KIF3B: variants seen among roughly 807,000 people sequenced by gnomAD.
The protein encoded by KIF3B is kinesin-like protein KIF3B.
Under a neutral mutation model 74.3 loss-of-function variants are expected in KIF3B, and 38 were observed. The observed-to-expected ratio is 0.51, with a 90% CI of 0.39 to 0.67. The LOEUF (loss-of-function observed/expected upper bound fraction) is 0.67, where lower values mean the gene tolerates loss of function less well. Ranked by LOEUF, KIF3B falls within the 30% of genes least tolerant of loss-of-function variation. The pLI, the probability that KIF3B is intolerant of heterozygous loss-of-function variation, is 0.00. For missense variants in KIF3B, 649 were observed against 932.0 expected (o/e 0.70, Z 3.95); for synonymous variants, 326 against 342.5 (o/e 0.95, Z 0.53).
At position 32,326,459 on chromosome 20, in the gene KIF3B, C is replaced by T. The variant is rs116607301; in HGVS notation, c.1749-312C>T. Among the ~76,000 whole-genome samples the T allele has an allele frequency of 5.3e-3, 809 of 152,226 alleles. 5 individuals are homozygous for T. The highest frequency in any genetic ancestry group is 0.019 in the African/African-American group (780 of 41,540). On this transcript the variant is annotated intron_variant, in intron 5 of 8. Transcript: ENST00000375712. ...TCCAATATAGCCCAGGGGTCACCTC[C>T]CTCTTGAGCCTGTTCACATCCTGCC...
intron 1 of KIF3B, among the ~76,000 whole-genome samples, chr20:32,287,502 C>A (rs1464380353): frequency 6.8e-6 from 1 of 147,218 alleles, no homozygotes; most frequent in African/African-American, 2.5e-5. Flanking sequence ...TTAAATTTTT[C>A]ATGGAGGCAG....
At chr20:32,285,116 A>C (rs1332431786) in intron 1 of KIF3B, among the ~76,000 whole-genome samples, 1 of 151,788 alleles carries the variant, frequency 6.6e-6, no homozygotes, top group Non-Finnish European at 1.5e-5. Flanking sequence ...AAAAAAAAAA[A>C]CAGTGACTTG....
At chr20:32,286,127 A>G (rs746177965) in intron 1 of KIF3B, among the ~76,000 whole-genome samples, 44 of 152,316 alleles carry the variant, frequency 2.9e-4, no homozygotes, top group Admixed American at 5.9e-4. Context: ...GCTTGAATAT[A>G]GTCTATAAAT....
chr20:32,278,270 T>G (rs1208960402), intron 1 of KIF3B, among the ~76,000 whole-genome samples: 1 of 152,086 alleles, frequency 6.6e-6, no homozygotes, highest in Non-Finnish European at 1.5e-5. Context: ...AGAGGGCAGT[T>G]TGAAGTCTGA....
At chr20:32,295,515 G>T (rs375466219) in intron 1 of KIF3B, among the ~76,000 whole-genome samples, 8 of 151,908 alleles carry the variant, frequency 5.3e-5, no homozygotes, top group Middle Eastern at 3.2e-3. Flanking sequence ...GGATGGTCTC[G>T]ATCTCCTGAG....
intron 1 of KIF3B, among the ~76,000 whole-genome samples, chr20:32,307,713 C>T (rs1362788815): frequency 2.0e-5 from 3 of 151,774 alleles, no homozygotes; most frequent in East Asian, 1.9e-4. Context: ...GGGTGGATCA[C>T]GAGGTCAGAA....
chr20:32,329,966 A>T (rs1243587127), intron 7 of KIF3B, among the ~76,000 whole-genome samples, 175 bp from the exon 8 acceptor site: 2 of 152,308 alleles, frequency 1.3e-5, no homozygotes, highest in South Asian at 4.1e-4. Flanking sequence ...AAAGCAAAAA[A>T]TTAGGTGGAG....
At chr20:32,285,905 G>A (rs961202514) in intron 1 of KIF3B, among the ~76,000 whole-genome samples, 1 of 152,156 alleles carries the variant, frequency 6.6e-6, no homozygotes, top group Non-Finnish European at 1.5e-5. Context: ...CATGTTTAAG[G>A]TTCAGTTAAT....
intron 5 of KIF3B, among the ~76,000 whole-genome samples, chr20:32,322,711 TA>T (rs1181212649): frequency 1.8e-5 from 1 of 55,922 alleles, no homozygotes; most frequent in African/African-American, 6.6e-5. Context: ...TATATATTTA[TA>T]TATATTTATA....
At chr20:32,295,842 C>T (rs1260744970) in intron 1 of KIF3B, among the ~76,000 whole-genome samples, 1 of 141,836 alleles carries the variant, frequency 7.1e-6, no homozygotes, top group East Asian at 2.2e-4. Context: ...TCAATTAAAA[C>T]ATTTTTATTA....
At chr20:32,284,413 A>G (rs1037208883) in intron 1 of KIF3B, among the ~76,000 whole-genome samples, 2 of 152,200 alleles carry the variant, frequency 1.3e-5, no homozygotes, top group African/African-American at 4.8e-5. Flanking sequence ...AGCATTTTCT[A>G]GGTGCTGAGT....
At chr20:32,285,797 C>G (rs546688331) in intron 1 of KIF3B, among the ~76,000 whole-genome samples, 1 of 152,106 alleles carries the variant, frequency 6.6e-6, no homozygotes, top group East Asian at 1.9e-4. Flanking sequence ...CCAGACCTTT[C>G]GGGTGTGGCT....
Position 32,331,375 on chromosome 20 carries a change from C to A in KIF3B, c.*56C>A. On this transcript the variant is annotated 3_prime_UTR_variant, in exon 9 of 9. Coordinates refer to ENST00000375712, the MANE Select transcript of KIF3B (RefSeq NM_004798.4). ...AGCATTTGCCTTCTGAGAGAAGAGA[C>A]TAGCAAAAAGCTGCAGAGAGGATTC... is the stretch of plus-strand genomic sequence containing the variant. The A allele has an allele frequency of 7.1e-7, 1 of 1,418,368 alleles. No homozygotes were observed. Among genetic ancestry groups the A allele is most frequent in the Non-Finnish European group, 9.8e-7 (1 of 1,017,082 alleles). 87.9% of individuals were successfully genotyped at this position (1,418,368 alleles called of 1,614,324 possible). A position where few individuals can be genotyped will look rare whatever the true frequency, so the allele number is the denominator to read the frequency against.
intron 1 of KIF3B, among the ~76,000 whole-genome samples, chr20:32,294,912 T>C (rs1295900829): frequency 1.3e-5 from 2 of 152,176 alleles, no homozygotes; most frequent in Non-Finnish European, 2.9e-5. Flanking sequence ...CATATCTAAA[T>C]ACCTAGAGGT....
intron 5 of KIF3B, among the ~76,000 whole-genome samples, chr20:32,323,066 A>T (rs371450630): frequency 1.3e-4 from 4 of 30,830 alleles, no homozygotes; most frequent in Admixed American, 3.8e-4. Context: ...ATATTTATAT[A>T]TATTTATATA....
chr20:32,280,513 G>A (rs2047637069), intron 1 of KIF3B, among the ~76,000 whole-genome samples: 1 of 151,076 alleles, frequency 6.6e-6, no homozygotes, highest in Admixed American at 6.6e-5. Flanking sequence ...AGGAGATCGA[G>A]ACCATCCTGG....
At chr20:32,311,310 G>C in intron 2 of KIF3B, 129 bp downstream of exon 2, 1 of 931,374 alleles carries the variant, frequency 1.1e-6, no homozygotes. Flanking sequence ...AACAGCTCAT[G>C]ATATCCAGTA....
chr20:32,282,908 G>A (rs1183492743), intron 1 of KIF3B, among the ~76,000 whole-genome samples: 1 of 152,166 alleles, frequency 6.6e-6, no homozygotes, highest in Non-Finnish European at 1.5e-5. Context: ...AAGGGAATTC[G>A]AGCTTCATTG....
intron 1 of KIF3B, among the ~76,000 whole-genome samples, chr20:32,285,379 A>G (rs2047662923): frequency 6.6e-6 from 1 of 152,150 alleles, no homozygotes; most frequent in South Asian, 2.1e-4. Context: ...ATAGTGGATA[A>G]AGTCCCATAT....
Sources: allele counts gnomAD v4.1 joint callset (sites outside exome capture counted in the v4.1 genomes callset), GRCh38; gene constraint gnomAD v4.1.1; transcripts MANE v1.5; gene names NCBI Gene and HGNC (gene_info 2026-07-23, HGNC 2026-07-21).